CSMD3: variants seen among roughly 807,000 people sequenced by gnomAD.
CSMD3 encodes the protein CUB and Sushi multiple domains 3.
In CSMD3, 177 loss-of-function variants were observed where a neutral mutation model predicts 435.2. The ratio of observed to expected loss-of-function variants is 0.41; its 90% CI spans 0.36 to 0.46. The LOEUF (loss-of-function observed/expected upper bound fraction) is 0.46. Ranked by LOEUF, CSMD3 falls within the 20% of genes least tolerant of loss-of-function variation. The pLI is 0.34. For synonymous variants in CSMD3, 1,656 were observed against 1,520.5 expected, an observed-to-expected ratio of 1.09 and a Z score of -2.07; for missense variants, 4,265 against 4,504.6, an observed-to-expected ratio of 0.95 and a Z score of 1.52.
At chr8:113,096,345 T>C (rs1181892051) in intron 5 of CSMD3, among the ~76,000 whole-genome samples, 1 of 152,190 alleles carries the variant, frequency 6.6e-6, no homozygotes, top group Non-Finnish European at 1.5e-5. Flanking sequence ...TAGCAGGTTA[T>C]TAGAGATATT....
chr8:113,301,805 T>G (rs950926289), intron 2 of CSMD3, among the ~76,000 whole-genome samples: 3 of 152,064 alleles, frequency 2.0e-5, no homozygotes, highest in Admixed American at 6.6e-5. Flanking sequence ...ACATCAAACT[T>G]GAACATCTAT....
chr8:112,347,712 G>C (rs1825797235), intron 40 of CSMD3, among the ~76,000 whole-genome samples: 1 of 152,084 alleles, frequency 6.6e-6, no homozygotes, highest in Non-Finnish European at 1.5e-5. Context: ...AATGAAGTTA[G>C]TATTTACCAA....
chr8:112,298,066 CAAAAAAAAAAAAA>C (rs35232021), intron 53 of CSMD3, among the ~76,000 whole-genome samples: 5 of 93,584 alleles, frequency 5.3e-5, no homozygotes, highest in African/African-American at 1.7e-4. Context: ...TGCCATTGCA[CAAAAAAAAAAAAA>C]AAAAAAAAAA....
intron 31 of CSMD3, among the ~76,000 whole-genome samples, chr8:112,476,743 TA>T (rs1258624780): frequency 2.6e-5 from 4 of 152,204 alleles, no homozygotes; most frequent in Admixed American, 6.5e-5. Context: ...AAATTGCCAT[TA>T]TTCTAGATTT....
intron 13 of CSMD3, among the ~76,000 whole-genome samples, chr8:112,708,085 T>G (rs1430952654): frequency 6.6e-6 from 1 of 152,118 alleles, no homozygotes; most frequent in Admixed American, 6.6e-5. Flanking sequence ...CAAGGTGTTT[T>G]AGAAATTCAG....
At chr8:112,931,267 T>C (rs1233974235) in intron 9 of CSMD3, among the ~76,000 whole-genome samples, 1 of 152,060 alleles carries the variant, frequency 6.6e-6, no homozygotes, top group Non-Finnish European at 1.5e-5. Context: ...ATAAAGCACT[T>C]CCTCTAATCA....
At chr8:113,224,380 C>T (rs757945505) in intron 3 of CSMD3, among the ~76,000 whole-genome samples, 2 of 151,198 alleles carry the variant, frequency 1.3e-5, no homozygotes, top group East Asian at 1.9e-4. Context: ...AAACAACAAA[C>T]ATATTTTGTG....
chr8:112,445,083 T>C (rs1400654955), intron 32 of CSMD3, among the ~76,000 whole-genome samples: 1 of 151,826 alleles, frequency 6.6e-6, no homozygotes, highest in African/African-American at 2.4e-5. Context: ...TCTCTCCTAA[T>C]AATACAAAAA....
intron 5 of CSMD3, among the ~76,000 whole-genome samples, chr8:113,058,152 G>A (rs1182396564): frequency 6.6e-6 from 1 of 151,712 alleles, no homozygotes; most frequent in Non-Finnish European, 1.5e-5. Flanking sequence ...ACATCAGTTG[G>A]TACACAGCTT....
At chr8:112,625,591 A>G (rs1459791261) in intron 22 of CSMD3, among the ~76,000 whole-genome samples, 1 of 152,138 alleles carries the variant, frequency 6.6e-6, no homozygotes, top group Non-Finnish European at 1.5e-5. Context: ...TCACCTTTGA[A>G]ATACACTGTT....
chr8:112,971,877 A>T (rs2084670449), intron 7 of CSMD3, among the ~76,000 whole-genome samples: 1 of 152,166 alleles, frequency 6.6e-6, no homozygotes, highest in South Asian at 2.1e-4. Context: ...AAGATAATTT[A>T]AATTGTTGAT....
chr8:113,327,236 C>T (rs937426242), intron 1 of CSMD3, among the ~76,000 whole-genome samples: 10 of 151,958 alleles, frequency 6.6e-5, no homozygotes, highest in African/African-American at 1.9e-4. Flanking sequence ...AGAATATATG[C>T]GGAATAGGAA....
At chr8:112,901,889 G>A (rs953430812) in intron 10 of CSMD3, among the ~76,000 whole-genome samples, 3 of 151,314 alleles carry the variant, frequency 2.0e-5, no homozygotes, top group Non-Finnish European at 4.4e-5. Flanking sequence ...GTTCAAAATG[G>A]GGAAGAGGAG....
intron 5 of CSMD3, among the ~76,000 whole-genome samples, chr8:113,043,853 T>C (rs906308380): frequency 5.9e-5 from 9 of 152,074 alleles, no homozygotes; most frequent in Admixed American, 2.0e-4. Flanking sequence ...AAAGCTGTGA[T>C]ATAAAATTAG....
intron 12 of CSMD3, among the ~76,000 whole-genome samples, chr8:112,804,275 G>A (rs1210218201): frequency 1.3e-5 from 2 of 152,006 alleles, no homozygotes; most frequent in Non-Finnish European, 2.9e-5. Flanking sequence ...TCAAATGTTA[G>A]CAGCAGTTAC....
intron 1 of CSMD3, among the ~76,000 whole-genome samples, chr8:113,429,440 A>G (rs2094657068): frequency 6.6e-6 from 1 of 151,944 alleles, no homozygotes; most frequent in Non-Finnish European, 1.5e-5. Context: ...CTGCCCCTCA[A>G]TGCTCTTTTG....
intron 32 of CSMD3, among the ~76,000 whole-genome samples, chr8:112,461,607 T>C (rs957165220): frequency 3.9e-5 from 6 of 152,148 alleles, no homozygotes; most frequent in African/African-American, 1.4e-4. Context: ...GTCAATTTTC[T>C]AGCATTTGTA....
At chr8:112,301,352 T>C (rs1820907318) in intron 53 of CSMD3, among the ~76,000 whole-genome samples, 2 of 152,120 alleles carry the variant, frequency 1.3e-5, no homozygotes, top group South Asian at 4.1e-4. Flanking sequence ...ATTAGTTTTA[T>C]GCATGTTGAA....
chr8:112,254,454 T>C (rs1459502796), intron 62 of CSMD3, 128 bp from the exon 63 acceptor site: 3 of 726,218 alleles, frequency 4.1e-6, no homozygotes, highest in Non-Finnish European at 7.4e-6. Flanking sequence ...ATAATGTAAA[T>C]GTAATAACAT....
Sources: allele counts gnomAD v4.1 joint callset (sites outside exome capture counted in the v4.1 genomes callset), GRCh38; gene constraint gnomAD v4.1.1; transcripts MANE v1.5; gene names NCBI Gene and HGNC (gene_info 2026-07-23, HGNC 2026-07-21).